Variants in VSTM4 observed in about 807,000 individuals in gnomAD.
VSTM4 encodes the protein V-set and transmembrane domain containing 4, also known as V-set and transmembrane domain-containing protein 4.
Under a neutral mutation model 36.4 loss-of-function variants are expected in VSTM4, and 20 were observed. That is an observed-to-expected ratio of 0.55 (90% CI 0.39 to 0.80). The LOEUF (loss-of-function observed/expected upper bound fraction) is 0.80, where lower values mean the gene tolerates loss of function less well. VSTM4 is among the 30% of genes least tolerant of loss of function. The pLI is 0.00. For synonymous variants in VSTM4, 182 were observed against 173.9 expected, an observed-to-expected ratio of 1.05 and a Z score of -0.37; for missense variants, 392 against 404.5, an observed-to-expected ratio of 0.97 and a Z score of 0.26.
intron 4 of VSTM4, among the ~76,000 whole-genome samples, chr10:49,076,613 C>T (rs774456401): frequency 1.3e-5 from 2 of 152,098 alleles, no homozygotes; most frequent in Non-Finnish European, 2.9e-5. Context: ...CAGAGACTCT[C>T]GAGAAATCAG....
chr10:49,046,134 T>G (rs1275238925), intron 7 of VSTM4, among the ~76,000 whole-genome samples: 1 of 152,218 alleles, frequency 6.6e-6, no homozygotes, highest in African/African-American at 2.4e-5. Flanking sequence ...TGAGGAACTG[T>G]GAGTCAATTA....
chr10:49,043,400 A>G lies in VSTM4; in HGVS notation c.837+3583T>C, dbSNP rs556822553. ...GGCTACTAGAAAGTTTAAATTACCTATGTGGCTCAAATAATATGGGGAATT... is the reference window on the plus strand; with the variant it reads ...GGCTACTAGAAAGTTTAAATTACCTGTGTGGCTCAAATAATATGGGGAATT... On this transcript the variant is annotated intron_variant, in intron 7 of 7. Transcript: ENST00000332853. 2.0e-5 allele frequency among the ~76,000 whole-genome samples: 3 copies of G among 152,346 alleles called. No homozygotes were observed. In the South Asian group the frequency reaches 6.2e-4, roughly 32 times the overall value.
At position 49,072,400 on chromosome 10, in the gene VSTM4, G is replaced by A. The variant is rs150650233; in HGVS notation, c.634+4819C>T. ...CAATCCTCAGGCCCCACAGGTGGTC[G>A]CAGTTATGCCCCAGCCACCAGGAAT... is the stretch of plus-strand genomic sequence containing the variant. On this transcript the variant is annotated intron_variant, in intron 4 of 7. Transcript: ENST00000332853. Among the ~76,000 whole-genome samples the A allele has an allele frequency of 2.2e-3, 337 of 152,240 alleles. 1 individual carries two copies. Among genetic ancestry groups the A allele is most frequent in the African/African-American group, 7.9e-3 (328 of 41,522 alleles).
chr10:49,039,004 G>A (rs964993967), intron 7 of VSTM4, among the ~76,000 whole-genome samples: 10 of 152,110 alleles, frequency 6.6e-5, no homozygotes, highest in East Asian at 1.9e-4. Context: ...AAAGGTGGGC[G>A]GACCATGAGG....
chr10:49,095,689 T>C (rs2039822210), intron 2 of VSTM4, among the ~76,000 whole-genome samples: 6 of 152,148 alleles, frequency 3.9e-5, no homozygotes, highest in Admixed American at 3.3e-4. Flanking sequence ...GGTCCAGCAA[T>C]GTGTCCTCAT....
chr10:49,023,168 A>T (rs1843207426), intron 7 of VSTM4, among the ~76,000 whole-genome samples: 1 of 152,242 alleles, frequency 6.6e-6, no homozygotes, highest in African/African-American at 2.4e-5. Flanking sequence ...ATTTGATTGA[A>T]GATACGAGGC....
At chr10:49,041,435 T>C (rs774772227) in intron 7 of VSTM4, among the ~76,000 whole-genome samples, 6 of 152,202 alleles carry the variant, frequency 3.9e-5, no homozygotes, top group African/African-American at 7.2e-5. Flanking sequence ...GAAATGCATA[T>C]AGCTGCCCCA....
intron 7 of VSTM4, among the ~76,000 whole-genome samples, chr10:49,046,432 T>C (rs1051643895): frequency 1.3e-5 from 2 of 152,206 alleles, no homozygotes; most frequent in African/African-American, 4.8e-5. Context: ...AAAGGAACAT[T>C]AGCAGGTAGA....
At chr10:49,025,031 GAC>G (rs953318301) in intron 7 of VSTM4, among the ~76,000 whole-genome samples, 11 of 152,048 alleles carry the variant, frequency 7.2e-5, no homozygotes, top group African/African-American at 2.7e-4. Context: ...AGAAGATGAG[GAC>G]ACACACACAG....
In VSTM4 at chr10:49,016,248, A is replaced by G. The variant is rs1001089070; in HGVS notation, c.*3402T>C. On this transcript the variant is annotated 3_prime_UTR_variant, in exon 8 of 8. Transcript: ENST00000332853. ...CCAGGATTTAAACAGCAGAGTAATT[A>G]GAGAGTTTATGGAAGAGAAGAGTCT... The G allele has an allele frequency of 6.6e-6, 1 of 152,260 alleles. No homozygotes were observed. The highest frequency in any genetic ancestry group is 1.5e-5 in the Non-Finnish European group (1 of 68,062). 9.4% of individuals were successfully genotyped at this position (152,260 alleles called of 1,614,324 possible). A position where few individuals can be genotyped will look rare whatever the true frequency, so the allele number is the denominator to read the frequency against.
At chr10:49,028,811 T>C (rs1843301783) in intron 7 of VSTM4, among the ~76,000 whole-genome samples, 1 of 152,208 alleles carries the variant, frequency 6.6e-6, no homozygotes, top group African/African-American at 2.4e-5. Context: ...AATTGGGTAA[T>C]ACCATTATCA....
chr10:49,093,742 CTTTTTTTTTTT>C (rs35299738), intron 2 of VSTM4, among the ~76,000 whole-genome samples: 1 of 103,664 alleles, frequency 9.6e-6, no homozygotes, highest in Admixed American at 1.1e-4. Context: ...CATAGTTACT[CTTTTTTTTTTT>C]TTTTTTTTTT....
chr10:49,044,824 C>T (rs1302951749), intron 7 of VSTM4, among the ~76,000 whole-genome samples: 1 of 152,158 alleles, frequency 6.6e-6, no homozygotes, highest in Non-Finnish European at 1.5e-5. Context: ...GGAAGCTTTA[C>T]TTTGTACCAT....
chr10:49,074,675 A>G (rs949188376), intron 4 of VSTM4, among the ~76,000 whole-genome samples: 2 of 152,162 alleles, frequency 1.3e-5, no homozygotes, highest in Admixed American at 6.5e-5. Flanking sequence ...TGGGAGTTGC[A>G]CTCAACCAAA....
chr10:49,090,111 C>T (rs748557854), intron 2 of VSTM4, among the ~76,000 whole-genome samples: 26 of 152,236 alleles, frequency 1.7e-4, no homozygotes, highest in Non-Finnish European at 3.4e-4. Flanking sequence ...GCAAATGTTC[C>T]AACCACAGAT....
intron 7 of VSTM4, among the ~76,000 whole-genome samples, chr10:49,020,282 T>C (rs537212708): frequency 3.3e-5 from 5 of 152,308 alleles, no homozygotes; most frequent in Admixed American, 2.6e-4. Context: ...AGCCTATGTT[T>C]GAAGCAGTGC....
At position 49,096,622 on chromosome 10, in the gene VSTM4, C is replaced by CGTGTGTGTGTGTGTGTGT. The variant is rs57143308; in HGVS notation, c.458-10617_458-10600dup. 4.0e-3 allele frequency among the ~76,000 whole-genome samples: 486 copies of CGTGTGTGTGTGTGTGTGT among 122,550 alleles called. 13 individuals carry two copies. The highest frequency in any genetic ancestry group is 0.016 in the African/African-American group (457 of 28,926). The allele number at this position is 122,550 out of a possible 152,430, so 80.4% of individuals were successfully genotyped here. ...ATTGGGTTGAAAAGCCATTGAAGACCGTGTGTGTGTGTGTGTGTGTGTGTG... is the reference window on the plus strand; with the variant it reads ...ATTGGGTTGAAAAGCCATTGAAGACCGTGTGTGTGTGTGTGTGTGTGTGTGTGTGTGTGTGTGTGTGTG... On this transcript the variant is annotated intron_variant, in intron 2 of 7. Coordinates refer to ENST00000332853, the MANE Select transcript of VSTM4 (RefSeq NM_001031746.5).
At chr10:49,040,633 A>G (rs1735642510) in intron 7 of VSTM4, among the ~76,000 whole-genome samples, 1 of 152,178 alleles carries the variant, frequency 6.6e-6, no homozygotes, top group African/African-American at 2.4e-5. Context: ...ACTTCTGACT[A>G]CTGTTAATGT....
At chr10:49,064,108 A>C (rs1843928574) in intron 5 of VSTM4, 1 of 152,228 alleles carries the variant, frequency 6.6e-6, no homozygotes, top group South Asian at 2.1e-4. Flanking sequence ...GGGATTCCAA[A>C]CCAGTTTACC....
Sources: allele counts gnomAD v4.1 joint callset (sites outside exome capture counted in the v4.1 genomes callset), GRCh38; gene constraint gnomAD v4.1.1; transcripts MANE v1.5; gene names NCBI Gene and HGNC (gene_info 2026-07-23, HGNC 2026-07-21).